SELENOT: variants seen among roughly 807,000 people sequenced by gnomAD.
SELENOT encodes the protein thioredoxin reductase-like selenoprotein T.
Under a neutral mutation model 24.3 loss-of-function variants are expected in SELENOT, and 9 were observed. The ratio of observed to expected loss-of-function variants is 0.37; its 90% CI spans 0.22 to 0.65. SELENOT has a LOEUF of 0.65. SELENOT is among the 30% of genes least tolerant of loss of function. The pLI is 0.60. For missense variants in SELENOT, 166 were observed against 247.6 expected, an observed-to-expected ratio of 0.67 and a Z score of 2.21; for synonymous variants, 81 against 86.0, an observed-to-expected ratio of 0.94 and a Z score of 0.32.
chr3:150,611,214 C>T (rs777442544), intron 1 of SELENOT: 20 of 896,100 alleles, frequency 2.2e-5, no homozygotes, highest in Middle Eastern at 2.3e-4. Context: ...TGTGAAAAAG[C>T]GGTAAACAGT....
rs745843838 is a variant in SELENOT, at chr3:150,626,990, G to A, written c.464-20G>A. On this transcript the variant is annotated intron_variant, in intron 4 of 5. Coordinates refer to ENST00000471696, the MANE Select transcript of SELENOT (RefSeq NM_016275.5). ...AATCATCTTTAATTTTTTGGGGGGC[G>A]GTGCCATTTATTTTTATAGATGTAC... 3.7e-6 allele frequency: 6 copies of A among 1,602,328 alleles called. No individual in the cohort carries two copies. The highest frequency in any genetic ancestry group is 1.7e-5 in the Admixed American group (1 of 57,990).
chr3:150,617,964 C>G lies in SELENOT; in HGVS notation c.138-4421C>G, dbSNP rs193088227. 7.9e-5 allele frequency among the ~76,000 whole-genome samples: 12 copies of G among 152,166 alleles called. No individual in the cohort carries two copies. The East Asian group carries it at 2.3e-3, about 29-fold the overall frequency. On this transcript the variant is annotated intron_variant, in intron 1 of 5. Transcript: ENST00000471696. ...CCCCGCCTCCTGGGTTGAAGTGATT[C>G]TCATGCCTCAGCCTCCCAAGTAGCT...
Position 150,629,708 on chromosome 3 carries a change from A to C in SELENOT, c.*2079A>C, listed in dbSNP as rs1433818046. ...AAATTCAGCTGTGTTGTTGACGCTC[A>C]TCTCTTTTGTCTTACGCTTAGCCAT... On this transcript the variant is annotated 3_prime_UTR_variant, in exon 6 of 6. Coordinates refer to ENST00000471696, the MANE Select transcript of SELENOT (RefSeq NM_016275.5). 2.0e-5 allele frequency: 3 copies of C among 152,648 alleles called. No individual in the cohort carries two copies. The highest frequency in any genetic ancestry group is 7.2e-5 in the African/African-American group (3 of 41,464). The allele number at this position is 152,648 out of a possible 1,614,324, so 9.5% of individuals were successfully genotyped here.
chr3:150,625,362 T>C (rs527861515), intron 4 of SELENOT, among the ~76,000 whole-genome samples: 1 of 152,304 alleles, frequency 6.6e-6, no homozygotes, highest in Non-Finnish European at 1.5e-5. Flanking sequence ...TCCTTTGACA[T>C]TTCTCATTTA....
chr3:150,605,278 C>T (rs575631372), intron 1 of SELENOT, among the ~76,000 whole-genome samples: 3 of 152,094 alleles, frequency 2.0e-5, no homozygotes, highest in African/African-American at 7.2e-5. Context: ...CTACTTTTAT[C>T]TCTTGGTTGT....
chr3:150,626,191 T>C (rs192105217), intron 4 of SELENOT, among the ~76,000 whole-genome samples: 5 of 152,300 alleles, frequency 3.3e-5, no homozygotes, highest in Admixed American at 6.5e-5. Context: ...ATAACTTTTT[T>C]AATGCAAATT....
chr3:150,603,651 G>T, intron 1 of SELENOT, 152 bp downstream of exon 1: 2 of 915,348 alleles, frequency 2.2e-6, no homozygotes, highest in Non-Finnish European at 3.2e-6. Context: ...CCTTCTCGCG[G>T]CCCCTTAGCG....
chr3:150,616,754 A>G (rs1401425388), intron 1 of SELENOT, among the ~76,000 whole-genome samples: 1 of 152,232 alleles, frequency 6.6e-6, no homozygotes, highest in Non-Finnish European at 1.5e-5. Context: ...TGCTATTTGA[A>G]TGTCTACTTT....
chr3:150,619,809 T>G (rs1205273996), intron 1 of SELENOT, among the ~76,000 whole-genome samples: 4 of 152,190 alleles, frequency 2.6e-5, no homozygotes, highest in African/African-American at 9.7e-5. Flanking sequence ...AAGACATCTG[T>G]TAGCAGTAGT....
At chr3:150,622,910 C>A (rs1004724110) in intron 2 of SELENOT, 133 bp from the exon 3 acceptor site, 2 of 777,232 alleles carry the variant, frequency 2.6e-6, no homozygotes, top group Non-Finnish European at 1.8e-6. Context: ...GCACAATAAA[C>A]TTTAATTGCT....
chr3:150,624,512 C>G (rs1726400737), intron 3 of SELENOT, among the ~76,000 whole-genome samples: 1 of 152,108 alleles, frequency 6.6e-6, no homozygotes, highest in Admixed American at 6.5e-5. Flanking sequence ...CATCACAAGT[C>G]TCTTATGAAT....
chr3:150,620,150 A>G (rs1455539667), intron 1 of SELENOT, among the ~76,000 whole-genome samples: 1 of 152,182 alleles, frequency 6.6e-6, no homozygotes, highest in African/African-American at 2.4e-5. Flanking sequence ...GGGTAACTAT[A>G]GGGGGAATCT....
At position 150,604,068 on chromosome 3, in the gene SELENOT, G is replaced by T. The variant is rs566241349; in HGVS notation, c.137+569G>T. Among the ~76,000 whole-genome samples, 5 of 152,322 alleles carry T rather than the reference G, an allele frequency of 3.3e-5. No individual in the cohort carries two copies. The East Asian group carries it at 9.6e-4, about 29-fold the overall frequency. ...CGAATGGGGCGTCTGACAGCTGGAG[G>T]GGGTGGAAGGAAGGTCTGGGGATGC... On this transcript the variant is annotated intron_variant, in intron 1 of 5. Coordinates refer to ENST00000471696, the MANE Select transcript of SELENOT (RefSeq NM_016275.5).
intron 1 of SELENOT, chr3:150,611,800 T>C (rs1726100118): frequency 9.6e-7 from 1 of 1,036,622 alleles, no homozygotes; most frequent in Non-Finnish European, 1.4e-6. Context: ...CAGCCCCGAT[T>C]TCCCGGACGA....
intron 1 of SELENOT, chr3:150,611,719 C>G (rs919227880): frequency 1.1e-5 from 17 of 1,586,500 alleles, no homozygotes; most frequent in Non-Finnish European, 1.5e-5. Context: ...GCAGGCAGCA[C>G]AGTTGCCAGG....
At chr3:150,609,057 TC>T (rs1292763848) in intron 1 of SELENOT, among the ~76,000 whole-genome samples, 1 of 152,216 alleles carries the variant, frequency 6.6e-6, no homozygotes, top group Non-Finnish European at 1.5e-5. Flanking sequence ...AGAGTAGACA[TC>T]CTTGTTTTGT....
At chr3:150,616,084 A>G (rs1287082790) in intron 1 of SELENOT, among the ~76,000 whole-genome samples, 2 of 150,922 alleles carry the variant, frequency 1.3e-5, no homozygotes, top group Non-Finnish European at 3.0e-5. Context: ...AACCTGAGAA[A>G]AACAAGCAAT....
intron 1 of SELENOT, among the ~76,000 whole-genome samples, chr3:150,616,044 C>T (rs1461069388): frequency 4.6e-5 from 7 of 151,756 alleles, no homozygotes; most frequent in Admixed American, 1.3e-4. Flanking sequence ...GAAATGATGC[C>T]GCATATCTAC....
At chr3:150,611,352 T>C in intron 1 of SELENOT, 1 of 1,190,542 alleles carries the variant, frequency 8.4e-7, no homozygotes, top group Non-Finnish European at 1.3e-6. Context: ...TTTCACTCAC[T>C]GGAATAGACC....
Sources: allele counts gnomAD v4.1 joint callset (sites outside exome capture counted in the v4.1 genomes callset), GRCh38; gene constraint gnomAD v4.1.1; transcripts MANE v1.5; gene names NCBI Gene and HGNC (gene_info 2026-07-23, HGNC 2026-07-21).